PSD3: variants seen among roughly 807,000 people sequenced by gnomAD.
The protein encoded by PSD3 is PH and SEC7 domain-containing protein 3.
Under a neutral mutation model 105.5 loss-of-function variants are expected in PSD3, and 49 were observed. The observed-to-expected ratio is 0.46, with a 90% CI of 0.37 to 0.59. PSD3 has a LOEUF of 0.59. PSD3 is among the 20% of genes least tolerant of loss of function. The pLI is 0.00. For missense variants in PSD3, 1,561 were observed against 1,263.8 expected (o/e 1.24, Z -3.57); for synonymous variants, 557 against 457.8 (o/e 1.22, Z -2.77).
At chr8:19,080,631 T>C (rs1038279024) in intron 1 of PSD3, among the ~76,000 whole-genome samples, 1 of 152,196 alleles carries the variant, frequency 6.6e-6, no homozygotes, top group African/African-American at 2.4e-5. Flanking sequence ...TCCTTGCCTG[T>C]CATGCTCATT....
intron 8 of PSD3, among the ~76,000 whole-genome samples, chr8:18,787,871 A>C (rs1305488666): frequency 6.6e-6 from 1 of 152,226 alleles, no homozygotes; most frequent in African/African-American, 2.4e-5. Context: ...ACAAGTGTCC[A>C]AGCTCTAGCA....
chr8:18,606,666 G>A (rs1804858215), intron 11 of PSD3, among the ~76,000 whole-genome samples: 1 of 152,098 alleles, frequency 6.6e-6, no homozygotes, highest in African/African-American at 2.4e-5. Context: ...TGAGAACAAG[G>A]AGAGAAACTG....
At chr8:18,921,712 T>C (rs1821033166) in intron 2 of PSD3, among the ~76,000 whole-genome samples, 1 of 152,212 alleles carries the variant, frequency 6.6e-6, no homozygotes, top group Non-Finnish European at 1.5e-5. Flanking sequence ...AACTCACAAC[T>C]GGAACACATG....
At chr8:18,873,532 A>C (rs1479383804) in intron 2 of PSD3, among the ~76,000 whole-genome samples, 3 of 152,200 alleles carry the variant, frequency 2.0e-5, no homozygotes, top group Non-Finnish European at 4.4e-5. Context: ...AAATCAAGCT[A>C]ATTAACAACA....
At chr8:19,025,198 C>A (rs1363347412) in intron 1 of PSD3, among the ~76,000 whole-genome samples, 1 of 151,922 alleles carries the variant, frequency 6.6e-6, no homozygotes, top group African/African-American at 2.4e-5. Context: ...CTCATTAACA[C>A]CCTAAATCAC....
Position 19,057,026 on chromosome 8 carries a change from T to C in PSD3, c.324+27180A>G, listed in dbSNP as rs538278994. The stretch of plus-strand genomic sequence containing the variant: ...ACCTATACGCCGGTTTGCCTCTAGC[T>C]AGCTTTTGATGAGCTCTTGATGCTA... On this transcript the variant is annotated intron_variant, in intron 1 of 1. Transcript: ENST00000521475. 6.6e-5 allele frequency among the ~76,000 whole-genome samples: 10 copies of C among 152,308 alleles called. No homozygotes were observed. In the South Asian group the frequency reaches 2.1e-3, roughly 32 times the overall value.
At chr8:18,565,352 C>T (rs1801671010) in intron 14 of PSD3, among the ~76,000 whole-genome samples, 1 of 152,110 alleles carries the variant, frequency 6.6e-6, no homozygotes. Context: ...ACAAGTCTTT[C>T]CACCCCCAAT....
chr8:18,879,290 T>C (rs138116087), intron 2 of PSD3, among the ~76,000 whole-genome samples: 1 of 151,942 alleles, frequency 6.6e-6, no homozygotes, highest in East Asian at 1.9e-4. Context: ...GAAAACGAGG[T>C]CAGATAAGAG....
chr8:18,808,282 C>T (rs1430341154), intron 4 of PSD3, among the ~76,000 whole-genome samples: 1 of 152,094 alleles, frequency 6.6e-6, no homozygotes, highest in Non-Finnish European at 1.5e-5. Context: ...TTAATTAAAC[C>T]ACTACTCACT....
chr8:18,934,419 C>CT (rs576676408), intron 2 of PSD3, among the ~76,000 whole-genome samples: 15 of 151,288 alleles, frequency 9.9e-5, no homozygotes, highest in Admixed American at 2.6e-4. Context: ...CTCTAAGATC[C>CT]TTTTTTTTTG....
chr8:18,920,648 G>T (rs188880976), intron 2 of PSD3, among the ~76,000 whole-genome samples: 1 of 152,190 alleles, frequency 6.6e-6, no homozygotes, highest in Admixed American at 6.5e-5. Context: ...ATATCCTAAG[G>T]CCGGATCATT....
intron 8 of PSD3, among the ~76,000 whole-genome samples, chr8:18,795,550 G>T (rs1431249696): frequency 1.3e-5 from 2 of 152,216 alleles, no homozygotes; most frequent in African/African-American, 4.8e-5. Flanking sequence ...CCACTGACTT[G>T]TGTATCTCTT....
At chr8:18,648,184 G>A (rs1311679384) in intron 10 of PSD3, among the ~76,000 whole-genome samples, 10 of 152,194 alleles carry the variant, frequency 6.6e-5, no homozygotes, top group South Asian at 4.1e-4. Flanking sequence ...ATGGGCAGAG[G>A]TTGGAAGAGT....
intron 8 of PSD3, among the ~76,000 whole-genome samples, chr8:18,787,527 C>G (rs572757770): frequency 1.3e-5 from 2 of 152,126 alleles, no homozygotes; most frequent in Admixed American, 1.3e-4. Flanking sequence ...TTTGGAACCC[C>G]AAAATTCCAG....
rs547535372 is a variant in PSD3, at chr8:19,063,077, A to C, written c.324+21129T>G. Among the ~76,000 whole-genome samples the C allele has an allele frequency of 8.5e-5, 13 of 152,386 alleles. No homozygotes were observed. The East Asian group carries it at 2.5e-3, about 29-fold the overall frequency. ...TTAGTGTAGAAAGGTAGAGAAAAAC[A>C]GCACTAGTTTCTAACTGTTATTTCA... On this transcript the variant is annotated intron_variant, in intron 1 of 1. Coordinates refer to the PSD3 transcript ENST00000521475.
At chr8:18,777,209 A>T (rs1037535972) in intron 8 of PSD3, among the ~76,000 whole-genome samples, 3 of 151,392 alleles carry the variant, frequency 2.0e-5, no homozygotes, top group Non-Finnish European at 2.9e-5. Flanking sequence ...CGCCCAGCTA[A>T]TTTTTCTATT....
At chr8:18,753,442 T>C (rs1351535787) in intron 9 of PSD3, among the ~76,000 whole-genome samples, 3 of 152,118 alleles carry the variant, frequency 2.0e-5, no homozygotes, top group African/African-American at 7.2e-5. Flanking sequence ...TTCATGTACC[T>C]GCATTATCCA....
chr8:18,809,133 T>C (rs1473215233), intron 4 of PSD3, among the ~76,000 whole-genome samples: 2 of 152,220 alleles, frequency 1.3e-5, no homozygotes, highest in Admixed American at 6.5e-5. Context: ...ACACAAGACA[T>C]TGCAGCTCTA....
At chr8:18,907,798 C>A (rs1819945115) in intron 2 of PSD3, among the ~76,000 whole-genome samples, 1 of 152,184 alleles carries the variant, frequency 6.6e-6, no homozygotes, top group African/African-American at 2.4e-5. Context: ...CAACAACAGA[C>A]AAATAACAAA....
Sources: gnomAD v4.1 joint callset for allele counts (sites outside exome capture counted in the v4.1 genomes callset) on GRCh38, gnomAD v4.1.1 for gene constraint, MANE v1.5 for transcripts, NCBI Gene and HGNC (gene_info 2026-07-23, HGNC 2026-07-21) for gene names.